ADGRG7: variants seen among roughly 807,000 people sequenced by gnomAD.
ADGRG7 encodes the protein G-protein coupled receptor 128.
ADGRG7 carries 82 observed loss-of-function variants against 88.6 expected under a neutral mutation model. The ratio of observed to expected loss-of-function variants is 0.93; its 90% CI spans 0.77 to 1.11. The LOEUF is 1.11. ADGRG7 is among the 50% of genes most tolerant of loss of function. ADGRG7 has a pLI of 0.00. For missense variants in ADGRG7, 945 were observed against 953.4 expected, an observed-to-expected ratio of 0.99 and a Z score of 0.12; for synonymous variants, 381 against 345.2, an observed-to-expected ratio of 1.10 and a Z score of -1.15.
chr3:100,643,510 CTT>C lies in ADGRG7; in HGVS notation c.839-14_839-13del. 3 of 1,608,254 alleles carry C rather than the reference CTT, an allele frequency of 1.9e-6. No homozygotes were observed. Among genetic ancestry groups the C allele is most frequent in the Non-Finnish European group, 8.5e-7 (1 of 1,176,508 alleles). ...TAATGTAGACTTTTACAATTCTACTCTTTCCCTTCTCATAGGAGCTAGCAGTT... is the reference window on the plus strand; with the variant it reads ...TAATGTAGACTTTTACAATTCTACTCTCCCTTCTCATAGGAGCTAGCAGTT... On this transcript the variant is annotated splice_polypyrimidine_tract_variant and intron_variant, in intron 7 of 15. Transcript: ENST00000273352.
chr3:100,615,681 A>G (rs2317284), intron 1 of ADGRG7, among the ~76,000 whole-genome samples: 78,249 of 152,118 alleles, frequency 0.51, 21,979 homozygotes, highest in South Asian at 0.76. Flanking sequence ...CTTCTTGTTT[A>G]CAAACATAGA....
chr3:100,674,932 T>C (rs2094963148), intron 15 of ADGRG7, among the ~76,000 whole-genome samples: 1 of 152,232 alleles, frequency 6.6e-6, no homozygotes, highest in Non-Finnish European at 1.5e-5. Flanking sequence ...TACTAACTTA[T>C]GTATGTTAAT....
At chr3:100,617,203 T>C (rs1267057450) in intron 1 of ADGRG7, among the ~76,000 whole-genome samples, 1 of 151,872 alleles carries the variant, frequency 6.6e-6, no homozygotes, top group Admixed American at 6.6e-5. Flanking sequence ...AATTGGAAAA[T>C]AATATTTTCT....
intron 15 of ADGRG7, among the ~76,000 whole-genome samples, chr3:100,685,163 G>A (rs1193655363): frequency 1.3e-5 from 2 of 152,078 alleles, no homozygotes; most frequent in African/African-American, 4.8e-5. Flanking sequence ...TAAATATTTA[G>A]TGGATAGTTG....
intron 1 of ADGRG7, among the ~76,000 whole-genome samples, chr3:100,611,605 T>A (rs1022786461): frequency 3.3e-5 from 5 of 152,166 alleles, no homozygotes; most frequent in African/African-American, 1.2e-4. Context: ...AAAGATCCCA[T>A]GTCTAACAAT....
At chr3:100,649,664 T>C in intron 10 of ADGRG7, 31 bp from the exon 11 acceptor site, 1 of 1,230,520 alleles carries the variant, frequency 8.1e-7, no homozygotes, top group Non-Finnish European at 1.2e-6. Context: ...GGATGACTAA[T>C]TAAAAATATG....
chr3:100,672,052 T>C (rs2094959405), intron 15 of ADGRG7, among the ~76,000 whole-genome samples: 2 of 152,184 alleles, frequency 1.3e-5, no homozygotes, highest in African/African-American at 4.8e-5. Flanking sequence ...CTTTTTTGGT[T>C]CCATATAAAA....
intron 15 of ADGRG7, among the ~76,000 whole-genome samples, chr3:100,691,248 C>T (rs2094993235): frequency 6.6e-6 from 1 of 152,154 alleles, no homozygotes; most frequent in Non-Finnish European, 1.5e-5. Context: ...CCCGATTTTC[C>T]AGGTGCCGTC....
At chr3:100,686,498 T>C (rs1270544699) in intron 15 of ADGRG7, among the ~76,000 whole-genome samples, 2 of 152,266 alleles carry the variant, frequency 1.3e-5, no homozygotes, top group African/African-American at 4.8e-5. Flanking sequence ...CTACGGTTTT[T>C]ATGGTTTTAG....
chr3:100,681,827 C>A (rs2094973886), intron 15 of ADGRG7, among the ~76,000 whole-genome samples: 1 of 152,162 alleles, frequency 6.6e-6, no homozygotes, highest in Non-Finnish European at 1.5e-5. Flanking sequence ...CGCACCCTAC[C>A]AGGATCACCT....
chr3:100,675,839 T>A (rs2094964648), intron 15 of ADGRG7, among the ~76,000 whole-genome samples: 1 of 152,072 alleles, frequency 6.6e-6, no homozygotes, highest in Non-Finnish European at 1.5e-5. Flanking sequence ...TCTTGGTAGG[T>A]TGTTTGTGTG....
rs527844326 is a variant in ADGRG7 at position 100,688,063 on chromosome 3, T to A, written c.2137-6681T>A. ...ATTGCCTCTATTTCAGAGCCTGTTA[T>A]TGGTCTATTCAGGGATTCAACTTCT... is the stretch of plus-strand genomic sequence containing the variant. On this transcript the variant is annotated intron_variant, in intron 15 of 15. Transcript: ENST00000273352. 9.2e-5 allele frequency among the ~76,000 whole-genome samples: 14 copies of A among 152,330 alleles called. No individual in the cohort carries two copies. The South Asian group carries it at 2.7e-3, about 29-fold the overall frequency.
chr3:100,678,087 C>G (rs979217751), intron 15 of ADGRG7, among the ~76,000 whole-genome samples: 14 of 151,934 alleles, frequency 9.2e-5, no homozygotes, highest in African/African-American at 3.1e-4. Context: ...TTTTCTAGAT[C>G]TTGTGGGCAT....
chr3:100,621,305 T>G (rs2149013425), intron 1 of ADGRG7, among the ~76,000 whole-genome samples: 1 of 152,306 alleles, frequency 6.6e-6, no homozygotes, highest in Admixed American at 6.5e-5. Context: ...GAGAAAAGCA[T>G]GTGAAAGCTG....
intron 10 of ADGRG7, among the ~76,000 whole-genome samples, chr3:100,647,766 A>G (rs1202942715): frequency 1.3e-5 from 2 of 152,174 alleles, no homozygotes; most frequent in Non-Finnish European, 2.9e-5. Context: ...GGAATGGGGA[A>G]TTATGAAGAG....
rs979724448 is a variant in ADGRG7, at chr3:100,618,423, C to T, written c.115+8452C>T. ...GTATAAGCAAGGGATCTAGTTTCAG[C>T]TTTCTACATTCGGCTAGCCAGTTTT... On this transcript the variant is annotated intron_variant, in intron 1 of 15. Transcript: ENST00000273352. Among the ~76,000 whole-genome samples, 28 of 152,294 alleles carry T rather than the reference C, an allele frequency of 1.8e-4. 1 individual carries two copies. The highest frequency in any genetic ancestry group is 6.7e-4 in the African/African-American group (28 of 41,556).
rs115628948 is a variant in ADGRG7 at position 100,649,167 on chromosome 3, A to T, written c.1267-528A>T. On this transcript the variant is annotated intron_variant, in intron 10 of 15. Transcript: ENST00000273352. ...ACAATTTTGATTTTAGACATCAAGG[A>T]AAAGTATAAATAGTTGACTTGTGAA... 7.5e-4 allele frequency among the ~76,000 whole-genome samples: 115 copies of T among 152,356 alleles called. 1 individual carries two copies. Among genetic ancestry groups the T allele is most frequent in the African/African-American group, 2.7e-3 (113 of 41,584 alleles).
chr3:100,643,560 T>G lies in ADGRG7; in HGVS notation c.873T>G (p.Phe291Leu). ...ASSSLVSSSTFIHTNVDGLNP... is the reference protein window; with the variant it reads ...ASSSLVSSSTLIHTNVDGLNP... ...GTTCTCTAGTTTCTAGTTCAACATT[T>G]ATACATACAAATGTGGATGGCCTTA... Residue 291 changes from phenylalanine to leucine, a missense_variant, in exon 8 of 16, where the codon TTT (phenylalanine) becomes TTG (leucine). Transcript: ENST00000273352. 3 of 1,613,978 alleles carry G rather than the reference T, an allele frequency of 1.9e-6. No homozygotes were observed. The highest frequency in any genetic ancestry group is 2.5e-6 in the Non-Finnish European group (3 of 1,179,918).
chr3:100,655,741 C>T (rs529436405), intron 12 of ADGRG7, among the ~76,000 whole-genome samples, 158 bp from the exon 13 acceptor site: 84 of 152,276 alleles, frequency 5.5e-4, no homozygotes, highest in South Asian at 1.9e-3. Context: ...AAATTATGTC[C>T]ACTGTCGACC....
Sources: gnomAD v4.1 joint callset for allele counts (sites outside exome capture counted in the v4.1 genomes callset) on GRCh38, gnomAD v4.1.1 for gene constraint, MANE v1.5 for transcripts, NCBI Gene and HGNC (gene_info 2026-07-23, HGNC 2026-07-21) for gene names.